Variants in GPR174 observed in about 807,000 individuals in gnomAD.
The protein encoded by GPR174 is probable G protein-coupled receptor 174.
A neutral mutation model predicts 16.5 loss-of-function variants in GPR174; 8 were observed. That is an observed-to-expected ratio of 0.48 (90% CI 0.28 to 0.87). GPR174 has a LOEUF of 0.87. Ranked by LOEUF, GPR174 falls within the 40% of genes least tolerant of loss-of-function variation. The pLI is 0.09. For missense variants in GPR174, 214 were observed against 247.5 expected, an observed-to-expected ratio of 0.86 and a Z score of 0.91; for synonymous variants, 111 against 94.8, an observed-to-expected ratio of 1.17 and a Z score of -0.99.
intron 2 of GPR174, among the ~76,000 whole-genome samples, chrX:79,169,925 C>T (rs945389754): frequency 1.8e-5 from 2 of 111,960 alleles, no homozygotes; most frequent in Non-Finnish European, 3.8e-5. Context: ...AGGACAAATG[C>T]TGGGCTGGCT....
chrX:79,146,564 A>T (rs1224525679), intron 1 of GPR174, among the ~76,000 whole-genome samples: 1 of 112,436 alleles, frequency 8.9e-6, no homozygotes, highest in East Asian at 2.8e-4. Context: ...TATACTTTTA[A>T]TTACAGATAA....
At chrX:79,149,709 C>T (rs933195361) in intron 1 of GPR174, among the ~76,000 whole-genome samples, 11 of 110,933 alleles carry the variant, frequency 9.9e-5, no homozygotes, top group African/African-American at 2.9e-4. Context: ...GATTTGTGAC[C>T]CAAGTTATCC....
intron 1 of GPR174, among the ~76,000 whole-genome samples, chrX:79,150,708 A>T (rs1926584860): frequency 8.9e-6 from 1 of 111,848 alleles, no homozygotes; most frequent in Non-Finnish European, 1.9e-5. Flanking sequence ...AGATTGTAAC[A>T]ATTTATTTTA....
intron 2 of GPR174, among the ~76,000 whole-genome samples, chrX:79,164,377 G>T (rs1921305431): frequency 1.8e-5 from 2 of 111,665 alleles, no homozygotes; most frequent in Admixed American, 9.5e-5. Flanking sequence ...CCAAAACCAG[G>T]TGGCTTGTGC....
intron 2 of GPR174, among the ~76,000 whole-genome samples, chrX:79,162,843 A>G (rs1258546604): frequency 8.9e-6 from 1 of 111,961 alleles, no homozygotes; most frequent in Non-Finnish European, 1.9e-5. Flanking sequence ...ATTTAAAGGA[A>G]GAAGGGCCAA....
Position 79,171,650 on chromosome X carries a change from A to G in GPR174, c.643A>G (p.Lys215Glu), listed in dbSNP as rs369003447. 1.7e-5 allele frequency: 20 copies of G among 1,209,363 alleles called. No individual in the cohort carries two copies. In the Middle Eastern group the frequency reaches 1.1e-3, roughly 69 times the overall value. ...GAAGACGGTTTTATCACTGCAAGAT[A>G]AATATCCCATGGCCCAAGATCTTGG... is the stretch of plus-strand genomic sequence containing the variant. ...TWKTVLSLQD[K>E]YPMAQDLGEK... The change falls in exon 3 of 3, where the codon AAA becomes GAA. Residue 215 changes from lysine to glutamate, a missense_variant. Lys to Glu is a moderately conservative substitution (Grantham distance 56). Transcript: ENST00000645147.
chrX:79,159,873 G>A (rs1487406174), intron 2 of GPR174, among the ~76,000 whole-genome samples: 1 of 111,888 alleles, frequency 8.9e-6, no homozygotes, highest in Non-Finnish European at 1.9e-5. Context: ...TTATTTTAGA[G>A]AAGAAATGGG....
intron 2 of GPR174, among the ~76,000 whole-genome samples, chrX:79,162,476 C>A (rs1325218665): frequency 1.8e-5 from 2 of 112,038 alleles, no homozygotes; most frequent in Admixed American, 9.5e-5. Context: ...TGGCCAATAT[C>A]AAATAAGTAA....
chrX:79,148,542 G>A lies in GPR174; in HGVS notation c.-654+3325G>A, dbSNP rs1402940689. Among the ~76,000 whole-genome samples, 5 of 111,188 alleles carry A rather than the reference G, an allele frequency of 4.5e-5. No individual in the cohort carries two copies. The Admixed American group carries it at 4.8e-4, about 11-fold the overall frequency. The stretch of plus-strand genomic sequence containing the variant: ...AAATCAATGACTCTTTTTTGAGACA[G>A]GGTCTCACCCTGTTACCTTGGCTGA... On this transcript the variant is annotated intron_variant, in intron 1 of 2. Transcript: ENST00000645147.
intron 1 of GPR174, among the ~76,000 whole-genome samples, chrX:79,147,612 G>C (rs930346190): frequency 1.8e-5 from 2 of 108,337 alleles, no homozygotes; most frequent in Non-Finnish European, 3.8e-5. Context: ...TTGAGTGTCA[G>C]AGCAACAATA....
rs1926469637 is a variant in GPR174 at position 79,145,030 on chromosome X, CT to C, written c.-838del. 1.3e-5 allele frequency: 1 copy of C among 77,408 alleles called. No individual in the cohort carries two copies. The highest frequency in any genetic ancestry group is 2.5e-5 in the Non-Finnish European group (1 of 39,755). The allele number at this position is 77,408 out of a possible 1,213,427, so 6.4% of individuals were successfully genotyped here. On this transcript the variant is annotated 5_prime_UTR_variant, in exon 1 of 3. Coordinates refer to ENST00000645147, the MANE Select transcript of GPR174 (RefSeq NM_032553.3). ...TCTTTCTTTCTTTCTTTCTTTCTTT[CT>C]TTCTTTCTTTCTTTCTTTCTTTCTT... is the stretch of plus-strand genomic sequence containing the variant.
chrX:79,169,449 A>G (rs1012048855), intron 2 of GPR174, among the ~76,000 whole-genome samples: 4 of 111,904 alleles, frequency 3.6e-5, no homozygotes, highest in African/African-American at 9.8e-5. Flanking sequence ...TGAATCACTC[A>G]TCAAGCCTTT....
Position 79,144,999 on chromosome X carries a change from TCTCTCTC to T in GPR174, c.-871_-865del, listed in dbSNP as rs1926462986. 4.3e-4 allele frequency: 15 copies of T among 35,289 alleles called. No homozygotes were observed. Among genetic ancestry groups the T allele is most frequent in the Non-Finnish European group, 8.4e-4 (13 of 15,444 alleles). 2.9% of individuals were successfully genotyped at this position (35,289 alleles called of 1,213,427 possible). Reference sequence around the variant, plus strand: ...TTCTTTTTCTTTCTTTCTTTCTCTCTCTCTCTCTTTCTTTCTTTCTTTCTTTCTTTCT... The same window carrying T: ...TTCTTTTTCTTTCTTTCTTTCTCTCTTTTCTTTCTTTCTTTCTTTCTTTCT... On this transcript the variant is annotated 5_prime_UTR_variant, in exon 1 of 3. Coordinates refer to ENST00000645147, the MANE Select transcript of GPR174 (RefSeq NM_032553.3).
chrX:79,146,677 G>C (rs771075451), intron 1 of GPR174, among the ~76,000 whole-genome samples: 1 of 111,913 alleles, frequency 8.9e-6, no homozygotes, highest in Non-Finnish European at 1.9e-5. Context: ...TTTTGTTGGG[G>C]CCAGATTAAT....
At chrX:79,168,659 T>C (rs941902963) in intron 2 of GPR174, among the ~76,000 whole-genome samples, 4 of 110,274 alleles carry the variant, frequency 3.6e-5, no homozygotes, top group South Asian at 4.0e-4. Context: ...TAGGATCGTG[T>C]ATCTGCACTC....
At chrX:79,146,730 C>T (rs1267982534) in intron 1 of GPR174, among the ~76,000 whole-genome samples, 1 of 111,719 alleles carries the variant, frequency 9.0e-6, no homozygotes, top group African/African-American at 3.3e-5. Context: ...TAAAATGAGT[C>T]ATAGACTGCT....
intron 2 of GPR174, among the ~76,000 whole-genome samples, chrX:79,166,636 A>C (rs1921378371): frequency 9.3e-6 from 1 of 107,529 alleles, no homozygotes; most frequent in Non-Finnish European, 1.9e-5. Context: ...ATGGGGTTTC[A>C]CTATGTTGGC....
rs769280856 is a variant in GPR174, at chrX:79,156,832, A to T, written c.-643A>T. ...TCTATGTTTTTCAAGGCATGAATGA[A>T]TTAATCGTGCCAGATTCTCCAACAC... On this transcript the variant is annotated 5_prime_UTR_variant, in exon 2 of 3. Transcript: ENST00000645147. 1.8e-5 allele frequency: 2 copies of T among 112,224 alleles called. No individual in the cohort carries two copies. Among genetic ancestry groups the T allele is most frequent in the East Asian group, 5.6e-4 (2 of 3,581 alleles). The allele number at this position is 112,224 out of a possible 1,213,427, so 9.2% of individuals were successfully genotyped here. A position where few individuals can be genotyped will look rare whatever the true frequency, so the allele number is the denominator to read the frequency against.
rs1329773866 is a variant in GPR174, at chrX:79,173,712, T to TA, written c.*1704dup. On this transcript the variant is annotated 3_prime_UTR_variant, in exon 3 of 3. Transcript: ENST00000645147. ...ATATGTTGTTATTAAGATAATACCC[T>TA]ATTAGAAAACTGACTTTGTGCTGCT... The TA allele has an allele frequency of 8.9e-6, 1 of 112,445 alleles. No individual in the cohort carries two copies. The highest frequency in any genetic ancestry group is 1.9e-5 in the Non-Finnish European group (1 of 53,247). 9.3% of individuals were successfully genotyped at this position (112,445 alleles called of 1,213,427 possible). A position where few individuals can be genotyped will look rare whatever the true frequency, so the allele number is the denominator to read the frequency against.
Sources: gnomAD v4.1 joint callset for allele counts (sites outside exome capture counted in the v4.1 genomes callset) on GRCh38, gnomAD v4.1.1 for gene constraint, MANE v1.5 for transcripts, NCBI Gene and HGNC (gene_info 2026-07-23, HGNC 2026-07-21) for gene names.